Variants in MYH4 observed in about 807,000 individuals in gnomAD.
MYH4 encodes myosin-4.
In MYH4, 200 loss-of-function variants were observed where a neutral mutation model predicts 229.9. The ratio of observed to expected loss-of-function variants is 0.87; its 90% confidence interval spans 0.78 to 0.98. The LOEUF (loss-of-function observed/expected upper bound fraction) is 0.98. Ranked by LOEUF, MYH4 falls within the 50% of genes least tolerant of loss-of-function variation. MYH4 has a pLI of 0.00. For synonymous variants in MYH4, 761 were observed against 834.6 expected (o/e 0.91, Z 1.52); for missense variants, 2,148 against 2,332.6 (o/e 0.92, Z 1.63).
chr17:10,453,168 T>C lies in MYH4; in HGVS notation c.3095A>G (p.Glu1032Gly). 1 of 1,614,158 alleles carries C rather than the reference T, an allele frequency of 6.2e-7. No homozygotes were observed. The highest frequency in any genetic ancestry group is 1.1e-5 in the South Asian group (1 of 91,082). ...CACACTTACATCGTCCACTTGCTGTTCTAGCTTGGTTTTAGCTTTGGTCAG... is the reference window on the plus strand; with the variant it reads ...CACACTTACATCGTCCACTTGCTGTCCTAGCTTGGTTTTAGCTTTGGTCAG... ...NTLTKAKTKL[E>G]QQVDDLEGSL... The change falls in exon 24 of 40, where the codon GAA becomes GGA. Residue 1032 changes from glutamate (E) to glycine (G), a missense_variant. Coordinates refer to ENST00000255381, the MANE Select transcript of MYH4 (RefSeq NM_017533.2).
At chr17:10,468,991 C>A (rs989453099) in intron 2 of MYH4, among the ~76,000 whole-genome samples, 1 of 152,158 alleles carries the variant, frequency 6.6e-6, no homozygotes, top group African/African-American at 2.4e-5. Context: ...TTTTATCATG[C>A]GGTCTCTCTG....
rs1478413880 is a variant in MYH4 at position 10,447,953 on chromosome 17, C to T, written c.4830G>A (p.Arg1610=). ...TGATCCTCAGAGCATCATTTCTGCT[C>T]CTGATCTCAGCATCCAGTGTACTCT... is the stretch of plus-strand genomic sequence containing the variant. ...SMQSTLDAEI[R]SRNDALRIKK... is the part of the protein sequence containing the mutation. Residue 1610 remains arginine (R), a synonymous_variant, in exon 34 of 40, where the codon AGG becomes AGA. Coordinates refer to ENST00000255381, the MANE Select transcript of MYH4 (RefSeq NM_017533.2). 2 of 1,613,984 alleles carry T rather than the reference C, an allele frequency of 1.2e-6. No homozygotes were observed. The highest frequency in any genetic ancestry group is 1.1e-5 in the South Asian group (1 of 91,078).
chr17:10,465,403 A>G (rs201930583), intron 5 of MYH4, 39 bp downstream of exon 5: 4 of 1,609,022 alleles, frequency 2.5e-6, no homozygotes, highest in Non-Finnish European at 2.5e-6. Context: ...GTATACAACT[A>G]TTTTACAAAT....
At chr17:10,465,071 G>T (rs961394873) in intron 5 of MYH4, among the ~76,000 whole-genome samples, 3 of 152,166 alleles carry the variant, frequency 2.0e-5, no homozygotes, top group Non-Finnish European at 4.4e-5. Context: ...GTGATAACTT[G>T]TCACTGTGAG....
At chr17:10,461,742 C>G (rs994611092) in intron 11 of MYH4, among the ~76,000 whole-genome samples, 2 of 152,152 alleles carry the variant, frequency 1.3e-5, no homozygotes, top group African/African-American at 4.8e-5. Context: ...TCTTTTTTCT[C>G]TATCGAATTT....
chr17:10,448,236 T>C (rs1317399833), intron 33 of MYH4, 110 bp from the exon 34 acceptor site: 6 of 1,300,244 alleles, frequency 4.6e-6, no homozygotes. Context: ...ATCATACGTC[T>C]TAATGTAGCC....
chr17:10,464,396 TAC>T, intron 7 of MYH4, 74 bp downstream of exon 7: 1 of 1,227,128 alleles, frequency 8.1e-7, no homozygotes, highest in Non-Finnish European at 1.2e-6. Flanking sequence ...ATTTTCTGTA[TAC>T]AGTCTACTGT....
In MYH4 at chr17:10,452,094, A is replaced by G. The variant is rs565921584; in HGVS notation, c.3585T>C (p.Ala1195=). The G allele has an allele frequency of 6.2e-7, 1 of 1,613,950 alleles. No homozygotes were observed. The highest frequency in any genetic ancestry group is 1.1e-5 in the South Asian group (1 of 91,064). Residue 1195 remains alanine (A), a synonymous_variant, in exon 27 of 40, where the codon GCT becomes GCC. Coordinates refer to ENST00000255381, the MANE Select transcript of MYH4 (RefSeq NM_017533.2). The part of the protein sequence containing the change: ...STLQHEATAA[A]LRKKHADSVA... ...CACTATCTGCGTGCTTCTTCCGAAG[A>G]GCAGCTGCCGTGGCTTCGTGCTGCA... is the stretch of plus-strand genomic sequence containing the variant.
Position 10,466,749 on chromosome 17 carries a change from T to G in MYH4, c.-4A>C. The G allele has an allele frequency of 6.2e-7, 1 of 1,614,200 alleles. No individual in the cohort carries two copies. The highest frequency in any genetic ancestry group is 8.5e-7 in the Non-Finnish European group (1 of 1,180,044). ...CCATCTCAGAGTCAGAACTCATGGC[T>G]GCAGGTTATTGATGGCAGTACTGGA... On this transcript the variant is annotated 5_prime_UTR_variant, in exon 3 of 40. Coordinates refer to ENST00000255381, the MANE Select transcript of MYH4 (RefSeq NM_017533.2).
chr17:10,456,591 A>G, intron 16 of MYH4, 36 bp from the exon 17 acceptor site: 2 of 1,570,650 alleles, frequency 1.3e-6, no homozygotes, highest in South Asian at 2.2e-5. Context: ...AGTTATTTGC[A>G]ACTGCCTTTT....
At chr17:10,460,889 G>A (rs539835793) in intron 12 of MYH4, 27 bp downstream of exon 12, 14 of 1,612,506 alleles carry the variant, frequency 8.7e-6, no homozygotes, top group African/African-American at 8.0e-5. Flanking sequence ...GCTTTGTCAA[G>A]TGGAAGATAC....
chr17:10,455,941 T>G, intron 17 of MYH4, 40 bp from the exon 18 acceptor site: 2 of 1,611,158 alleles, frequency 1.2e-6, no homozygotes, highest in Non-Finnish European at 1.7e-6. Flanking sequence ...CATTTCTAGT[T>G]GCATCGACAT....
intron 19 of MYH4, 66 bp downstream of exon 19, chr17:10,455,548 G>A (rs1397457358): frequency 2.6e-6 from 4 of 1,564,786 alleles, no homozygotes; most frequent in Non-Finnish European, 3.5e-6. Flanking sequence ...GTTTAAAAAT[G>A]TTGGAATTAT....
chr17:10,453,134 T>C lies in MYH4; in HGVS notation c.3111+18A>G. The C allele has an allele frequency of 6.2e-7, 1 of 1,614,048 alleles. No homozygotes were observed. Among genetic ancestry groups the C allele is most frequent in the Non-Finnish European group, 8.5e-7 (1 of 1,179,948 alleles). On this transcript the variant is annotated intron_variant, in intron 24 of 39. Coordinates refer to ENST00000255381, the MANE Select transcript of MYH4 (RefSeq NM_017533.2). ...TTTATTTCATTGCAAGGGGAAACAT[T>C]TTCTTTTTCACACTTACATCGTCCA...
chr17:10,444,293 C>G (rs2072486823), intron 39 of MYH4, among the ~76,000 whole-genome samples: 1 of 152,116 alleles, frequency 6.6e-6, no homozygotes, highest in South Asian at 2.1e-4. Flanking sequence ...TTCATACTCT[C>G]ATTTGCACAG....
At chr17:10,450,302 G>T in intron 30 of MYH4, 151 bp downstream of exon 30, 1 of 1,288,336 alleles carries the variant, frequency 7.8e-7, no homozygotes. Flanking sequence ...TGGGCTTTAA[G>T]AAGAAGAATA....
intron 8 of MYH4, 61 bp from the exon 9 acceptor site, chr17:10,463,462 G>T: frequency 1.3e-6 from 2 of 1,584,526 alleles, no homozygotes; most frequent in Non-Finnish European, 8.6e-7. Context: ...TTCTTTAGCT[G>T]TGGACCAAAC....
intron 27 of MYH4, among the ~76,000 whole-genome samples, 167 bp from the exon 28 acceptor site, chr17:10,451,619 T>C (rs565977478): frequency 1.3e-5 from 2 of 152,338 alleles, no homozygotes; most frequent in East Asian, 3.9e-4. Flanking sequence ...GGCTAAATAA[T>C]GAACACATGA....
chr17:10,447,184 T>A lies in MYH4; in HGVS notation c.4998A>T (p.Arg1666Ser). The change falls in exon 35 of 40, where the codon AGA (arginine) becomes AGT (serine). Residue 1666 changes from arginine (R) to serine (S), a missense_variant. Transcript: ENST00000255381. The part of the protein sequence containing the change: ...DTQLHLDDAI[R>S]GQDDLKEQLA... ...GTTGTTCCTTAAGGTCATCTTGGCC[T>A]CTGATGGCATCATCCAAATGTAGCT... is the stretch of plus-strand genomic sequence containing the variant. 2 of 1,614,138 alleles carry A rather than the reference T, an allele frequency of 1.2e-6. No individual in the cohort carries two copies. Among genetic ancestry groups the A allele is most frequent in the Non-Finnish European group, 1.7e-6 (2 of 1,180,010 alleles).
Sources: gnomAD v4.1 joint callset for allele counts (sites outside exome capture counted in the v4.1 genomes callset) on GRCh38, gnomAD v4.1.1 for gene constraint, MANE v1.5 for transcripts, NCBI Gene and HGNC (gene_info 2026-07-23, HGNC 2026-07-21) for gene names.